The following FAM81B variants were observed in gnomAD, a reference collection of about 807,000 sequenced individuals.
FAM81B encodes protein FAM81B.
Under a neutral mutation model 58.7 loss-of-function variants are expected in FAM81B, and 60 were observed. The observed-to-expected ratio is 1.02, with a 90% CI of 0.83 to 1.27. FAM81B has a LOEUF of 1.27. Among genes scored for constraint, FAM81B ranks in the 50% most tolerant of loss-of-function variants. FAM81B has a pLI of 0.00. For missense variants in FAM81B, 491 were observed against 522.0 expected (o/e 0.94, Z 0.58); for synonymous variants, 189 against 179.6 (o/e 1.05, Z -0.42).
intron 4 of FAM81B, 26 bp downstream of exon 4, chr5:95,414,216 T>C (rs1762479883): frequency 6.3e-7 from 1 of 1,588,456 alleles, no homozygotes; most frequent in African/African-American, 1.4e-5. Flanking sequence ...TTTTATTTTG[T>C]TTTTGTTTTG....
At position 95,392,872 on chromosome 5, in the gene FAM81B, G is replaced by T; in HGVS notation, c.203G>T (p.Gly68Val). The change falls in exon 2 of 10, where the codon GGC becomes GTC. Residue 68 changes from glycine to valine, a missense_variant. Physicochemically the swap from Gly to Val is moderately radical, Grantham distance 109. Coordinates refer to ENST00000283357, the MANE Select transcript of FAM81B (RefSeq NM_152548.3). ...GTTGAACCTGATGGCCCCCTTCCTG[G>T]CTCAGACAATAACCAAGAAAAGAAA... ...QPVEPDGPLP[G>V]SDNNQEKKVR... is the part of the protein sequence containing the mutation. The T allele has an allele frequency of 6.2e-7, 1 of 1,610,824 alleles. No individual in the cohort carries two copies. Among genetic ancestry groups the T allele is most frequent in the South Asian group, 1.1e-5 (1 of 90,396 alleles).
chr5:95,444,214 A>G (rs1458881781), intron 7 of FAM81B, among the ~76,000 whole-genome samples: 1 of 152,230 alleles, frequency 6.6e-6, no homozygotes, highest in Non-Finnish European at 1.5e-5. Context: ...CATTTAGCCA[A>G]CTATTTATTG....
At chr5:95,412,832 T>G (rs1028555044) in intron 3 of FAM81B, among the ~76,000 whole-genome samples, 1 of 152,166 alleles carries the variant, frequency 6.6e-6, no homozygotes, top group Non-Finnish European at 1.5e-5. Flanking sequence ...GGCATACAGT[T>G]GATAAGAAAG....
intron 7 of FAM81B, among the ~76,000 whole-genome samples, chr5:95,443,728 C>T (rs1358480512): frequency 6.6e-6 from 1 of 152,158 alleles, no homozygotes; most frequent in East Asian, 1.9e-4. Context: ...TTTTAATAAA[C>T]TACCAACAGA....
intron 3 of FAM81B, among the ~76,000 whole-genome samples, chr5:95,397,599 A>G (rs1392977143): frequency 6.6e-6 from 1 of 152,260 alleles, no homozygotes; most frequent in Non-Finnish European, 1.5e-5. Flanking sequence ...TAACAAACTT[A>G]AGCAGCAGAA....
chr5:95,429,383 T>G (rs939409318), intron 6 of FAM81B, among the ~76,000 whole-genome samples: 4 of 152,348 alleles, frequency 2.6e-5, no homozygotes, highest in African/African-American at 9.6e-5. Flanking sequence ...CAAAGTTTTC[T>G]GTGCTCCACT....
In FAM81B at chr5:95,395,367, C is replaced by A. The variant is rs183419485; in HGVS notation, c.229-744C>A. 5.7e-5 allele frequency among the ~76,000 whole-genome samples: 8 copies of A among 141,406 alleles called. No homozygotes were observed. In the East Asian group the frequency reaches 1.5e-3, roughly 27 times the overall value. 92.8% of individuals were successfully genotyped at this position (141,406 alleles called of 152,430 possible). ...CTGAGGCAGGAGACTGGTGTGAACC[C>A]GGGAGGCGGAGCTTGCAGTGAGTGG... is the stretch of plus-strand genomic sequence containing the variant. On this transcript the variant is annotated intron_variant, in intron 2 of 9. Coordinates refer to ENST00000283357, the MANE Select transcript of FAM81B (RefSeq NM_152548.3).
chr5:95,427,009 A>G (rs984835011), intron 5 of FAM81B, among the ~76,000 whole-genome samples: 10 of 152,144 alleles, frequency 6.6e-5, no homozygotes, highest in Non-Finnish European at 1.2e-4. Flanking sequence ...AGATTGTGCC[A>G]CTGCACTCCA....
intron 4 of FAM81B, among the ~76,000 whole-genome samples, chr5:95,419,442 TTA>T (rs1487014075): frequency 1.3e-5 from 2 of 152,208 alleles, no homozygotes; most frequent in Non-Finnish European, 2.9e-5. Flanking sequence ...TACCAATTTC[TTA>T]TATGTCTTCA....
Position 95,450,402 on chromosome 5 carries a change from C to T in FAM81B, c.*120C>T, listed in dbSNP as rs887433443. The T allele has an allele frequency of 1.3e-5, 19 of 1,468,120 alleles. No homozygotes were observed. The highest frequency in any genetic ancestry group is 7.3e-5 in the African/African-American group (5 of 68,374). The allele number at this position is 1,468,120 out of a possible 1,614,324, so 90.9% of individuals were successfully genotyped here. ...CTTCTAATGTCTCCTTTTAAGGAGA[C>T]GAATGTACCAGAAAAATAATAAAGC... On this transcript the variant is annotated 3_prime_UTR_variant, in exon 10 of 10. Coordinates refer to ENST00000283357, the MANE Select transcript of FAM81B (RefSeq NM_152548.3).
Position 95,414,006 on chromosome 5 carries a change from T to C in FAM81B, c.353T>C (p.Leu118Pro). Residue 118 changes from leucine (L) to proline (P), a missense_variant, in exon 4 of 10, where the codon CTG becomes CCG. Coordinates refer to ENST00000283357, the MANE Select transcript of FAM81B (RefSeq NM_152548.3). ...CAGAGAGGTCAGCTAGAAGACAGACTGAACAACCAGGCGCGTACCATAGCT... is the reference window on the plus strand; with the variant it reads ...CAGAGAGGTCAGCTAGAAGACAGACCGAACAACCAGGCGCGTACCATAGCT... The part of the protein sequence containing the change: ...NTQRGQLEDR[L>P]NNQARTIAFL... 3.1e-6 allele frequency: 5 copies of C among 1,614,088 alleles called. No individual in the cohort carries two copies. Among genetic ancestry groups the C allele is most frequent in the Non-Finnish European group, 2.5e-6 (3 of 1,179,992 alleles).
At chr5:95,447,410 C>G (rs945152780) in intron 8 of FAM81B, among the ~76,000 whole-genome samples, 2 of 152,164 alleles carry the variant, frequency 1.3e-5, no homozygotes, top group Admixed American at 1.3e-4. Flanking sequence ...ACAAAGGAGC[C>G]AAGAGTTGGA....
intron 2 of FAM81B, among the ~76,000 whole-genome samples, chr5:95,393,265 C>A (rs1761876639): frequency 6.6e-6 from 1 of 152,144 alleles, no homozygotes; most frequent in African/African-American, 2.4e-5. Context: ...CTTGTCGTAT[C>A]TTCTCCGTTA....
intron 7 of FAM81B, among the ~76,000 whole-genome samples, chr5:95,444,499 G>T (rs1169384199): frequency 6.6e-6 from 1 of 152,160 alleles, no homozygotes; most frequent in Non-Finnish European, 1.5e-5. Context: ...TCCAGATAGA[G>T]AAAATAATTG....
intron 4 of FAM81B, among the ~76,000 whole-genome samples, chr5:95,415,825 T>A (rs1235607879): frequency 6.6e-6 from 1 of 152,228 alleles, no homozygotes; most frequent in African/African-American, 2.4e-5. Context: ...TCCGCCCAGA[T>A]GTACACTTTG....
At chr5:95,402,405 CAATAAT>C (rs1762137898) in intron 3 of FAM81B, among the ~76,000 whole-genome samples, 1 of 151,946 alleles carries the variant, frequency 6.6e-6, no homozygotes, top group Non-Finnish European at 1.5e-5. Flanking sequence ...TAAGAATTAG[CAATAAT>C]AATAAGACTA....
Position 95,436,782 on chromosome 5 carries a change from C to T in FAM81B, c.787-18C>T. 1 of 1,544,496 alleles carries T rather than the reference C, an allele frequency of 6.5e-7. No individual in the cohort carries two copies. Among genetic ancestry groups the T allele is most frequent in the Non-Finnish European group, 9.0e-7 (1 of 1,116,688 alleles). On this transcript the variant is annotated intron_variant, in intron 6 of 9. Transcript: ENST00000283357. ...GTGGTTTTGTTCATATGCACAAACCCTCTCGTACTTTGACTAGGTGATGCA... is the reference window on the plus strand; with the variant it reads ...GTGGTTTTGTTCATATGCACAAACCTTCTCGTACTTTGACTAGGTGATGCA...
chr5:95,441,279 CTA>C (rs965248538), intron 7 of FAM81B, among the ~76,000 whole-genome samples: 6 of 152,034 alleles, frequency 3.9e-5, no homozygotes, highest in Non-Finnish European at 7.4e-5. Context: ...AAAATTAAAA[CTA>C]TGCATCTGGC....
rs1306952646 is a variant in FAM81B, at chr5:95,408,496, T to C, written c.294-5451T>C. On this transcript the variant is annotated intron_variant, in intron 3 of 9. Coordinates refer to ENST00000283357, the MANE Select transcript of FAM81B (RefSeq NM_152548.3). ...CCGGAAATCATCCAACTTGGTTTGT[T>C]AGAATAGTGGGTAAATTGAGCAGGA... Among the ~76,000 whole-genome samples the C allele has an allele frequency of 5.3e-5, 8 of 152,312 alleles. No homozygotes were observed. The East Asian group carries it at 1.5e-3, about 29-fold the overall frequency.
Sources: allele counts gnomAD v4.1 joint callset (sites outside exome capture counted in the v4.1 genomes callset), GRCh38; gene constraint gnomAD v4.1.1; transcripts MANE v1.5; gene names NCBI Gene and HGNC (gene_info 2026-07-23, HGNC 2026-07-21).